The following VTCN1 variants were observed in gnomAD, a reference collection of about 807,000 sequenced individuals.
The protein encoded by VTCN1 is V-set domain-containing T-cell activation inhibitor 1.
VTCN1 carries 26 observed loss-of-function variants against 26.5 expected under a neutral mutation model. That is an observed-to-expected ratio of 0.98 (90% CI 0.72 to 1.36). The LOEUF (loss-of-function observed/expected upper bound fraction) is 1.36. Ranked by LOEUF, VTCN1 falls within the 40% of genes most tolerant of loss-of-function variation. VTCN1 has a pLI of 0.00. For missense variants in VTCN1, 298 were observed against 337.7 expected (o/e 0.88, Z 0.92); for synonymous variants, 116 against 130.7 (o/e 0.89, Z 0.77).
At chr1:117,199,789 C>A (rs1042753694) in intron 1 of VTCN1, among the ~76,000 whole-genome samples, 5 of 152,062 alleles carry the variant, frequency 3.3e-5, no homozygotes, top group Non-Finnish European at 5.9e-5. Context: ...GCATGTGCCA[C>A]CACGCCTGGC....
rs1652002771 is a variant in VTCN1, at chr1:117,155,121, T to C, written c.445+1453A>G. Among the ~76,000 whole-genome samples the C allele has an allele frequency of 6.6e-6, 1 of 152,220 alleles. No homozygotes were observed. Among genetic ancestry groups the C allele is most frequent in the Admixed American group, 6.5e-5 (1 of 15,274 alleles). The stretch of plus-strand genomic sequence containing the variant: ...TGAGGAGTACTGGTTAGGTATTCTG[T>C]AGGTTGCCCCTCTGTTAGAATTCAT... On this transcript the variant is annotated intron_variant, in intron 3 of 5. Coordinates refer to ENST00000369458, the MANE Select transcript of VTCN1 (RefSeq NM_024626.4). This position sits in a 1 kb window ranked among gnomAD's most constrained non-coding sequence, Gnocchi z 4.8.
At chr1:117,208,794 A>G (rs1174506818) in intron 1 of VTCN1, among the ~76,000 whole-genome samples, 1 of 152,178 alleles carries the variant, frequency 6.6e-6, no homozygotes, top group Non-Finnish European at 1.5e-5. Context: ...GCATGCTGAG[A>G]GTGAGATCTG....
At chr1:117,185,738 T>C (rs1327250948) in intron 1 of VTCN1, among the ~76,000 whole-genome samples, 1 of 152,188 alleles carries the variant, frequency 6.6e-6, no homozygotes, top group Non-Finnish European at 1.5e-5. Flanking sequence ...GCTCTTATCA[T>C]AACCTAGAAA....
In VTCN1 at chr1:117,180,339, G is replaced by T. The variant is rs372550208; in HGVS notation, c.33-10168C>A. On this transcript the variant is annotated intron_variant, in intron 1 of 5. Transcript: ENST00000369458. ...ATTAGCATTTCTTCATCATCCTTGT[G>T]CACACTATTTTTCACTGGTACAAGC... Among the ~76,000 whole-genome samples the T allele has an allele frequency of 9.2e-5, 14 of 152,186 alleles. No homozygotes were observed. In the East Asian group the frequency reaches 1.4e-3, roughly 15 times the overall value.
chr1:117,193,446 CT>C (rs1326062877), intron 1 of VTCN1, among the ~76,000 whole-genome samples: 1 of 152,024 alleles, frequency 6.6e-6, no homozygotes, highest in Non-Finnish European at 1.5e-5. Flanking sequence ...AGAGCAATGG[CT>C]ATGCTTATAT....
intron 1 of VTCN1, among the ~76,000 whole-genome samples, chr1:117,172,198 G>A (rs1010040810): frequency 6.6e-6 from 1 of 152,130 alleles, no homozygotes; most frequent in African/African-American, 2.4e-5. Flanking sequence ...AGAAACGCGG[G>A]GCTTTGCACT....
intron 1 of VTCN1, among the ~76,000 whole-genome samples, chr1:117,182,154 C>T (rs1007230229): frequency 6.6e-6 from 1 of 152,182 alleles, no homozygotes; most frequent in Non-Finnish European, 1.5e-5. Flanking sequence ...AGCCCATACA[C>T]CTGTCTTAGG....
In VTCN1 at chr1:117,143,716, G is replaced by C. The variant is rs1651367794; in HGVS notation, c.*1555C>G. The C allele has an allele frequency of 6.6e-6, 1 of 152,262 alleles. No homozygotes were observed. Among genetic ancestry groups the C allele is most frequent in the Non-Finnish European group, 1.5e-5 (1 of 68,070 alleles). The allele number at this position is 152,262 out of a possible 1,614,324, so 9.4% of individuals were successfully genotyped here. A position where few individuals can be genotyped will look rare whatever the true frequency, so the allele number is the denominator to read the frequency against. On this transcript the variant is annotated 3_prime_UTR_variant, in exon 6 of 6. Coordinates refer to ENST00000369458, the MANE Select transcript of VTCN1 (RefSeq NM_024626.4). ...GAAGGCAGTGGTTAACACATGAAGA[G>C]TGTGGGAAGGGGGCTGGAAACAAAG... is the stretch of plus-strand genomic sequence containing the variant.
intron 2 of VTCN1, among the ~76,000 whole-genome samples, chr1:117,158,032 G>C (rs1438191812): frequency 6.6e-6 from 1 of 152,166 alleles, no homozygotes. Flanking sequence ...CATGGTCTTG[G>C]GCAGCTCCAC....
intron 1 of VTCN1, among the ~76,000 whole-genome samples, chr1:117,179,493 T>C (rs551705855): frequency 6.6e-6 from 1 of 152,268 alleles, no homozygotes; most frequent in East Asian, 1.9e-4. Flanking sequence ...AGGCACTGAG[T>C]GAAAGTTCTA....
intron 1 of VTCN1, among the ~76,000 whole-genome samples, chr1:117,186,968 TG>T (rs1437965431): frequency 6.6e-6 from 1 of 152,124 alleles, no homozygotes; most frequent in Non-Finnish European, 1.5e-5. Context: ...CTAAGATTTC[TG>T]GGCCCTTTTA....
rs1651538172 is a variant in VTCN1 at position 117,146,861 on chromosome 1, G to A, written c.*45+752C>T. On this transcript the variant is annotated intron_variant, in intron 5 of 5. Coordinates refer to ENST00000369458, the MANE Select transcript of VTCN1 (RefSeq NM_024626.4). This position sits in a 1 kb window ranked among gnomAD's most constrained non-coding sequence, Gnocchi z 4.2. The stretch of plus-strand genomic sequence containing the variant: ...TCAGCTAAAACAGGGAAAGGAAGGA[G>A]CAGGTACAGTGTTTCAAAACCAGTC... Among the ~76,000 whole-genome samples the A allele has an allele frequency of 6.6e-6, 1 of 152,288 alleles. No individual in the cohort carries two copies. The highest frequency in any genetic ancestry group is 2.1e-4 in the South Asian group (1 of 4,824).
rs147661922 is a variant in VTCN1, at chr1:117,155,300, G to A, written c.445+1274C>T. On this transcript the variant is annotated intron_variant, in intron 3 of 5. Transcript: ENST00000369458. The surrounding 1 kb of genome is among the most constrained non-coding windows in gnomAD (Gnocchi z 4.8). The stretch of plus-strand genomic sequence containing the variant: ...ACCTGGATCACCTGGCTAAAGCAGT[G>A]TTTGCCGGATTTCTTTGGAAGCTGG... Among the ~76,000 whole-genome samples the A allele has an allele frequency of 6.6e-6, 1 of 152,238 alleles. No homozygotes were observed. The highest frequency in any genetic ancestry group is 2.4e-5 in the African/African-American group (1 of 41,534).
intron 4 of VTCN1, among the ~76,000 whole-genome samples, chr1:117,148,077 T>G (rs1012058301): frequency 7.2e-5 from 11 of 152,230 alleles, no homozygotes; most frequent in African/African-American, 2.4e-4. Context: ...CAAACAGCCA[T>G]GGCCAGTTCT....
At chr1:117,165,408 C>T (rs1383823546) in intron 2 of VTCN1, among the ~76,000 whole-genome samples, 1 of 152,090 alleles carries the variant, frequency 6.6e-6, no homozygotes, top group Non-Finnish European at 1.5e-5. Flanking sequence ...ATATAATCCC[C>T]AATTATATTA....
intron 1 of VTCN1, among the ~76,000 whole-genome samples, chr1:117,186,376 C>G (rs908779800): frequency 1.3e-5 from 2 of 152,194 alleles, no homozygotes; most frequent in Non-Finnish European, 2.9e-5. Context: ...GCTTAGACAG[C>G]CAAATGAAGC....
chr1:117,205,019 T>C (rs1255393232), intron 1 of VTCN1, among the ~76,000 whole-genome samples: 1 of 151,134 alleles, frequency 6.6e-6, no homozygotes, highest in Non-Finnish European at 1.5e-5. Flanking sequence ...TATGCGTATA[T>C]ATACACGTAT....
intron 1 of VTCN1, among the ~76,000 whole-genome samples, chr1:117,193,353 C>T (rs1165342235): frequency 2.6e-5 from 4 of 152,046 alleles, no homozygotes; most frequent in Non-Finnish European, 5.9e-5. Context: ...ATGCTGTCTA[C>T]AAGAAATTCA....
intron 1 of VTCN1, among the ~76,000 whole-genome samples, chr1:117,190,218 G>A (rs1411220881): frequency 1.3e-5 from 2 of 152,172 alleles, no homozygotes; most frequent in Non-Finnish European, 2.9e-5. Context: ...CTGTGCCCAC[G>A]AAGACAGACT....
Sources: allele counts gnomAD v4.1 joint callset (sites outside exome capture counted in the v4.1 genomes callset), GRCh38; gene constraint gnomAD v4.1.1; non-coding constraint Gnocchi (gnomAD v3.1); transcripts MANE v1.5; gene names NCBI Gene and HGNC (gene_info 2026-07-23, HGNC 2026-07-21).